The following NAT10 variants were observed in gnomAD, a reference collection of about 807,000 sequenced individuals.
The protein encoded by NAT10 is RNA cytidine acetyltransferase.
A neutral mutation model predicts 132.2 loss-of-function variants in NAT10; 109 were observed. The ratio of observed to expected loss-of-function variants is 0.82; its 90% CI spans 0.71 to 0.97. The LOEUF (loss-of-function observed/expected upper bound fraction) is 0.97. Among genes scored for constraint, NAT10 ranks in the 50% least tolerant of loss-of-function variants. The probability of loss-of-function intolerance (pLI) is 0.00; values close to 1 mark genes in which losing one functional copy is unlikely to be tolerated. For synonymous variants in NAT10, 479 were observed against 478.0 expected (o/e 1.00, Z -0.03); for missense variants, 1,184 against 1,263.4 (o/e 0.94, Z 0.95).
At chr11:34,142,537 G>A (rs532626518) in intron 27 of NAT10, among the ~76,000 whole-genome samples, 189 bp downstream of exon 27, 3 of 152,242 alleles carry the variant, frequency 2.0e-5, no homozygotes, top group South Asian at 2.1e-4. Flanking sequence ...GTTGGGTTCC[G>A]GAGACTAGTG....
chr11:34,141,694 C>G (rs1327873851), intron 25 of NAT10, 25 bp from the exon 26 acceptor site: 2 of 1,608,106 alleles, frequency 1.2e-6, no homozygotes, highest in Non-Finnish European at 1.7e-6. Flanking sequence ...TCATCTTCTG[C>G]TTCTCTGTTG....
intron 8 of NAT10, among the ~76,000 whole-genome samples, chr11:34,120,658 C>T (rs1851877047): frequency 6.6e-6 from 1 of 152,182 alleles, no homozygotes; most frequent in Non-Finnish European, 1.5e-5. Flanking sequence ...ACTGGGGGCC[C>T]AGCAGTAGAC....
In NAT10 at chr11:34,105,636, G is replaced by C. The variant is rs763290886; in HGVS notation, c.-172G>C. 6.6e-6 allele frequency: 1 copy of C among 152,366 alleles called. No homozygotes were observed. The highest frequency in any genetic ancestry group is 2.4e-5 in the African/African-American group (1 of 41,480). 9.4% of individuals were successfully genotyped at this position (152,366 alleles called of 1,614,324 possible). ...GCGCACGTGCTGTCTACCAGTTCCT[G>C]AGAGGGACGCGTGCCGCGGAGCCAG... is the stretch of plus-strand genomic sequence containing the variant. On this transcript the variant is annotated 5_prime_UTR_variant, in exon 1 of 29. Coordinates refer to ENST00000257829, the MANE Select transcript of NAT10 (RefSeq NM_024662.3).
In NAT10 at chr11:34,118,204, T is replaced by C; in HGVS notation, c.582T>C (p.Cys194=). 10 of 1,614,194 alleles carry C rather than the reference T, an allele frequency of 6.2e-6. No individual in the cohort carries two copies. The highest frequency in any genetic ancestry group is 7.6e-6 in the Non-Finnish European group (9 of 1,180,020). The change falls in exon 7 of 29, where the codon TGT becomes TGC. Residue 194 remains cysteine, a synonymous_variant. Coordinates refer to ENST00000257829, the MANE Select transcript of NAT10 (RefSeq NM_024662.3). ...GGTTTATTCTGTCTCTGGCCTCTTG[T>C]AAGAAGTGTCTCGTCATTGATGACC... is the stretch of plus-strand genomic sequence containing the variant. ...NERFILSLAS[C]KKCLVIDDQL...
intron 2 of NAT10, 132 bp from the exon 3 acceptor site, chr11:34,108,610 G>C: frequency 1.2e-6 from 1 of 846,042 alleles, no homozygotes; most frequent in Non-Finnish European, 1.8e-6. Flanking sequence ...GTCATTGCTC[G>C]CCTTAGAACC....
In NAT10 at chr11:34,140,259, C is replaced by G. The variant is rs1852296484; in HGVS notation, c.2420-141C>G. The G allele has an allele frequency of 3.9e-6, 3 of 774,362 alleles. No individual in the cohort carries two copies. In the Admixed American group the frequency reaches 8.2e-5, roughly 21 times the overall value. 48.0% of individuals were successfully genotyped at this position (774,362 alleles called of 1,614,324 possible). A position where few individuals can be genotyped will look rare whatever the true frequency, so the allele number is the denominator to read the frequency against. On this transcript the variant is annotated intron_variant, in intron 23 of 28. Coordinates refer to ENST00000257829, the MANE Select transcript of NAT10 (RefSeq NM_024662.3). ...TCTATGGCAGGAGCAGGTTTGGTGC[C>G]CCTCTGGGCCAGGGCTGTGTGGTAT... is the stretch of plus-strand genomic sequence containing the variant.
At chr11:34,143,362 G>T in intron 27 of NAT10, 83 bp from the exon 28 acceptor site, 2 of 1,215,982 alleles carry the variant, frequency 1.6e-6, no homozygotes, top group South Asian at 1.4e-5. Flanking sequence ...TGTCTGATAA[G>T]AATGTTGTCA....
At chr11:34,113,495 C>CT (rs1851731499) in intron 4 of NAT10, among the ~76,000 whole-genome samples, 2 of 151,986 alleles carry the variant, frequency 1.3e-5, no homozygotes, top group African/African-American at 4.8e-5. Context: ...TATCACCTGG[C>CT]TTTTGGTTAA....
chr11:34,116,797 G>A (rs1185146324), intron 6 of NAT10, among the ~76,000 whole-genome samples: 2 of 152,126 alleles, frequency 1.3e-5, no homozygotes, highest in Non-Finnish European at 2.9e-5. Flanking sequence ...GTTTCACCAT[G>A]TTGGCCAGGC....
rs1852276363 is a variant in NAT10 at position 34,139,247 on chromosome 11, T to C, written c.2268T>C (p.Asp756=). Reference sequence around the variant, plus strand: ...TGCTGAAGACGCTCACTGATGAGGATGAGGCTGACCAGGGAGGCTGGCTTG... The same window carrying C: ...TGCTGAAGACGCTCACTGATGAGGACGAGGCTGACCAGGGAGGCTGGCTTG... ...CIMLKTLTDE[D]EADQGGWLAA... is the part of the protein sequence containing the mutation. Residue 756 remains aspartate, a synonymous_variant, in exon 22 of 29, where the codon GAT becomes GAC. Coordinates refer to ENST00000257829, the MANE Select transcript of NAT10 (RefSeq NM_024662.3). The C allele has an allele frequency of 3.1e-6, 5 of 1,613,672 alleles. No homozygotes were observed. The South Asian group carries it at 5.5e-5, about 18-fold the overall frequency.
Position 34,141,160 on chromosome 11 carries a change from G to C in NAT10, c.2664G>C (p.Ser888=), listed in dbSNP as rs111242071. The change falls in exon 25 of 29, where the codon TCG becomes TCC. Residue 888 remains serine (S), a synonymous_variant. Coordinates refer to ENST00000257829, the MANE Select transcript of NAT10 (RefSeq NM_024662.3). ...TGGAAAAGGAGATTGAGCTGCCCTCGGGCCAGTTGATGGGACTTTTCAACC... is the reference window on the plus strand; with the variant it reads ...TGGAAAAGGAGATTGAGCTGCCCTCCGGCCAGTTGATGGGACTTTTCAACC... The part of the protein sequence containing the change: ...DQLEKEIELP[S]GQLMGLFNRI... The C allele has an allele frequency of 4.6e-5, 75 of 1,613,968 alleles. 1 individual carries two copies. Among genetic ancestry groups the C allele is most frequent in the African/African-American group, 4.4e-4 (33 of 74,946 alleles).
At chr11:34,116,108 T>A (rs1851778416) in intron 6 of NAT10, among the ~76,000 whole-genome samples, 1 of 152,226 alleles carries the variant, frequency 6.6e-6, no homozygotes. Flanking sequence ...CTGCTGGCCT[T>A]GACAGCTCAG....
rs753417917 is a variant in NAT10, at chr11:34,108,344, G to C, written c.108+11G>C. Reference sequence around the variant, plus strand: ...CGAGGAAAAGATCAGGTATGGCCTGGTAAATGCTTCCTGAATTACTTTTTA... The same window carrying C: ...CGAGGAAAAGATCAGGTATGGCCTGCTAAATGCTTCCTGAATTACTTTTTA... On this transcript the variant is annotated intron_variant, in intron 2 of 28. Transcript: ENST00000257829. The C allele has an allele frequency of 1.3e-6, 2 of 1,594,052 alleles. No individual in the cohort carries two copies. Among genetic ancestry groups the C allele is most frequent in the Admixed American group, 3.3e-5 (2 of 59,818 alleles).
rs760444526 is a variant in NAT10, at chr11:34,141,832, A to G, written c.2811+15A>G. 13 of 1,606,720 alleles carry G rather than the reference A, an allele frequency of 8.1e-6. No individual in the cohort carries two copies. In the South Asian group the frequency reaches 8.8e-5, roughly 11 times the overall value. On this transcript the variant is annotated intron_variant, in intron 26 of 28. Coordinates refer to ENST00000257829, the MANE Select transcript of NAT10 (RefSeq NM_024662.3). The stretch of plus-strand genomic sequence containing the variant: ...GTGACGACCTAGTATGTCCCTGCTC[A>G]TGGCCTCGGGAGTCCCAGCATTTCC...
chr11:34,123,740 C>G, intron 9 of NAT10, 22 bp from the exon 10 acceptor site: 1 of 1,495,296 alleles, frequency 6.7e-7, no homozygotes, highest in South Asian at 1.2e-5. Flanking sequence ...CTTAAAAATC[C>G]TTCTTTTATT....
chr11:34,130,276 A>G (rs1170140241), intron 12 of NAT10, among the ~76,000 whole-genome samples: 3 of 152,180 alleles, frequency 2.0e-5, no homozygotes, highest in African/African-American at 7.2e-5. Context: ...ATGTCACCTT[A>G]TAAGTGGGCA....
intron 8 of NAT10, among the ~76,000 whole-genome samples, chr11:34,120,521 C>T (rs1851874806): frequency 6.6e-6 from 1 of 152,190 alleles, no homozygotes; most frequent in African/African-American, 2.4e-5. Context: ...GCCTTCTTCC[C>T]ACCCTCAAAC....
intron 3 of NAT10, among the ~76,000 whole-genome samples, chr11:34,111,352 G>A (rs2134153363): frequency 6.6e-6 from 1 of 152,332 alleles, no homozygotes; most frequent in East Asian, 1.9e-4. Context: ...AGGAGGAAAG[G>A]CCTTTGTTCT....
intron 10 of NAT10, 127 bp downstream of exon 10, chr11:34,123,982 C>A: frequency 1.5e-6 from 1 of 681,034 alleles, no homozygotes; most frequent in Non-Finnish European, 2.5e-6. Context: ...CCAGCCTGAC[C>A]AACATAGAGA....
Sources: gnomAD v4.1 joint callset for allele counts (sites outside exome capture counted in the v4.1 genomes callset) on GRCh38, gnomAD v4.1.1 for gene constraint, MANE v1.5 for transcripts, NCBI Gene and HGNC (gene_info 2026-07-23, HGNC 2026-07-21) for gene names.